Variants in PALMD observed in about 807,000 individuals in gnomAD.
PALMD encodes the protein palmdelphin, also known as paralemmin-like protein.
A neutral mutation model predicts 56.2 loss-of-function variants in PALMD; 42 were observed. The observed-to-expected ratio is 0.75, with a 90% CI of 0.58 to 0.97. The LOEUF (loss-of-function observed/expected upper bound fraction) is 0.97, where lower values mean the gene tolerates loss of function less well. PALMD is among the 50% of genes least tolerant of loss of function. PALMD has a pLI of 0.00. For synonymous variants in PALMD, 242 were observed against 222.9 expected, an observed-to-expected ratio of 1.09 and a Z score of -0.76; for missense variants, 660 against 643.8, an observed-to-expected ratio of 1.03 and a Z score of -0.27.
At chr1:99,667,595 A>T in intron 2 of PALMD, 47 bp from the exon 3 acceptor site, 1 of 1,547,418 alleles carries the variant, frequency 6.5e-7, no homozygotes, top group Non-Finnish European at 8.9e-7. Context: ...AGATTTTGGA[A>T]ATTATTGACC....
chr1:99,661,837 G>A (rs1216649310), intron 1 of PALMD, among the ~76,000 whole-genome samples: 3 of 152,130 alleles, frequency 2.0e-5, no homozygotes, highest in Non-Finnish European at 2.9e-5. Context: ...GGCTATGCAA[G>A]GAGGAAACAG....
Position 99,667,774 on chromosome 1 carries a change from C to A in PALMD, c.251+8C>A, listed in dbSNP as rs1444873340. On this transcript the variant is annotated splice_region_variant and intron_variant, in intron 3 of 7. Transcript: ENST00000263174. ...AGAACAAAGTATCCTCAGGTATGGC[C>A]CTCACTGAGATACTCCACAACTACC... 6.2e-7 allele frequency: 1 copy of A among 1,612,046 alleles called. No homozygotes were observed. Among genetic ancestry groups the A allele is most frequent in the East Asian group, 2.2e-5 (1 of 44,832 alleles).
At chr1:99,662,713 A>C (rs1303796371) in intron 2 of PALMD, among the ~76,000 whole-genome samples, 1 of 152,148 alleles carries the variant, frequency 6.6e-6, no homozygotes, top group African/African-American at 2.4e-5. Flanking sequence ...CTTGCTTAAC[A>C]TCCCTAGGGA....
At chr1:99,663,121 T>C (rs1652884083) in intron 2 of PALMD, among the ~76,000 whole-genome samples, 1 of 152,174 alleles carries the variant, frequency 6.6e-6, no homozygotes, top group Non-Finnish European at 1.5e-5. Context: ...ATGAATCCCC[T>C]TAATGATACA....
chr1:99,682,411 G>C (rs969934305), intron 3 of PALMD, among the ~76,000 whole-genome samples: 2 of 152,242 alleles, frequency 1.3e-5, no homozygotes, highest in South Asian at 2.1e-4. Flanking sequence ...AACATGTCAT[G>C]ATGTATTGTG....
intron 2 of PALMD, among the ~76,000 whole-genome samples, chr1:99,665,327 C>T (rs1435621092): frequency 2.6e-5 from 4 of 152,078 alleles, no homozygotes; most frequent in African/African-American, 9.7e-5. Context: ...TTTTATTATA[C>T]TCATTAGCCT....
chr1:99,678,060 G>T (rs1251320344), intron 3 of PALMD, among the ~76,000 whole-genome samples: 1 of 151,470 alleles, frequency 6.6e-6, no homozygotes, highest in Non-Finnish European at 1.5e-5. Context: ...TGTCACAGGT[G>T]GTCCTCCTCT....
intron 2 of PALMD, among the ~76,000 whole-genome samples, chr1:99,665,137 C>A (rs898080035): frequency 6.6e-6 from 1 of 151,968 alleles, no homozygotes; most frequent in African/African-American, 2.4e-5. Flanking sequence ...TCCATGAGTC[C>A]GTTCAATTCA....
In PALMD at chr1:99,680,660, G is replaced by A. The variant is rs573883221; in HGVS notation, c.252-6016G>A. Among the ~76,000 whole-genome samples the A allele has an allele frequency of 4.7e-4, 72 of 152,202 alleles. 1 individual carries two copies. The South Asian group carries it at 0.015, about 32-fold the overall frequency. On this transcript the variant is annotated intron_variant, in intron 3 of 7. Coordinates refer to ENST00000263174, the MANE Select transcript of PALMD (RefSeq NM_017734.5). ...CACTTATGGAAATTCTAACCCATCA[G>A]CTGAAAGATAGGCATGTGAAAGTTA...
chr1:99,689,894 GC>G, intron 7 of PALMD, 22 bp downstream of exon 7: 3 of 1,568,130 alleles, frequency 1.9e-6, no homozygotes, highest in Non-Finnish European at 2.6e-6. Context: ...GACAAGGCAT[GC>G]CACTGCTGTT....
intron 3 of PALMD, among the ~76,000 whole-genome samples, chr1:99,678,219 T>A (rs903190718): frequency 6.6e-6 from 1 of 151,412 alleles, no homozygotes; most frequent in South Asian, 2.1e-4. Flanking sequence ...TTCTCCTGAC[T>A]CAGCCTCCCG....
chr1:99,689,478 C>G lies in PALMD; in HGVS notation c.1218C>G (p.Asp406Glu). 1 of 1,613,748 alleles carries G rather than the reference C, an allele frequency of 6.2e-7. No individual in the cohort carries two copies. Among genetic ancestry groups the G allele is most frequent in the Non-Finnish European group, 8.5e-7 (1 of 1,179,824 alleles). Residue 406 changes from aspartate to glutamate, a missense_variant, in exon 7 of 8, where the codon GAC becomes GAG. Asp to Glu is a conservative substitution (Grantham distance 45). Transcript: ENST00000263174. Reference sequence around the variant, plus strand: ...ATATCGTTCATTCCCTGCCTCCAGACATAAATGATACAGAACCGGTGACAA... The same window carrying G: ...ATATCGTTCATTCCCTGCCTCCAGAGATAAATGATACAGAACCGGTGACAA... ...RYNIVHSLPP[D>E]INDTEPVTMI... is the part of the protein sequence containing the mutation.
rs761325384 is a variant in PALMD at position 99,689,389 on chromosome 1, G to T, written c.1129G>T (p.Gly377Trp). 4 of 1,613,766 alleles carry T rather than the reference G, an allele frequency of 2.5e-6. No individual in the cohort carries two copies. The highest frequency in any genetic ancestry group is 4.5e-5 in the East Asian group (2 of 44,848). The change falls in exon 7 of 8, where the codon GGG becomes TGG. Residue 377 changes from glycine to tryptophan, a missense_variant. Gly to Trp is a radical substitution (Grantham distance 184). Coordinates refer to ENST00000263174, the MANE Select transcript of PALMD (RefSeq NM_017734.5). ...GCTGAGCCCCAGAGAGACAATATTT[G>T]GGAAATCTGAACACCAGAATTCTTC... ...PRLSPRETIF[G>W]KSEHQNSSPT...
chr1:99,654,527 A>C (rs1276338801), intron 1 of PALMD, among the ~76,000 whole-genome samples: 1 of 152,148 alleles, frequency 6.6e-6, no homozygotes, highest in African/African-American at 2.4e-5. Flanking sequence ...GTTTTAAAAC[A>C]GAAAAGCTAT....
intron 7 of PALMD, among the ~76,000 whole-genome samples, chr1:99,693,118 T>C (rs1463910874): frequency 2.6e-5 from 4 of 152,194 alleles, no homozygotes; most frequent in Non-Finnish European, 5.9e-5. Flanking sequence ...AACCAATATA[T>C]GGTATACAAA....
Position 99,667,772 on chromosome 1 carries a change from GC to G in PALMD, c.251+9del. Reference sequence around the variant, plus strand: ...CTAGAACAAAGTATCCTCAGGTATGGCCCTCACTGAGATACTCCACAACTAC... The same window carrying G: ...CTAGAACAAAGTATCCTCAGGTATGGCCTCACTGAGATACTCCACAACTAC... On this transcript the variant is annotated splice_region_variant and intron_variant, in intron 3 of 7. Coordinates refer to ENST00000263174, the MANE Select transcript of PALMD (RefSeq NM_017734.5). The G allele has an allele frequency of 2.5e-6, 4 of 1,612,440 alleles. No individual in the cohort carries two copies. Among genetic ancestry groups the G allele is most frequent in the Non-Finnish European group, 3.4e-6 (4 of 1,178,772 alleles).
In PALMD at chr1:99,689,597, T is replaced by C; in HGVS notation, c.1337T>C (p.Val446Ala). 1 of 1,613,804 alleles carries C rather than the reference T, an allele frequency of 6.2e-7. No homozygotes were observed. Among genetic ancestry groups the C allele is most frequent in the Non-Finnish European group, 8.5e-7 (1 of 1,179,854 alleles). Reference sequence around the variant, plus strand: ...GGGATCATCCATGCTGAGCTGGTTGTGATTGATGATGAGGAGGAGGAGGAT... The same window carrying C: ...GGGATCATCCATGCTGAGCTGGTTGCGATTGATGATGAGGAGGAGGAGGAT... ...YDGIIHAELV[V>A]IDDEEEEDEG... Residue 446 changes from valine to alanine, a missense_variant, in exon 7 of 8, where the codon GTG (valine) becomes GCG (alanine). Physicochemically the swap from Val to Ala is moderately conservative, Grantham distance 64. Coordinates refer to ENST00000263174, the MANE Select transcript of PALMD (RefSeq NM_017734.5).
At chr1:99,663,760 T>C (rs1305565165) in intron 2 of PALMD, among the ~76,000 whole-genome samples, 1 of 152,168 alleles carries the variant, frequency 6.6e-6, no homozygotes, top group Non-Finnish European at 1.5e-5. Flanking sequence ...AAGAGAAGAT[T>C]TAAATATCCC....
intron 1 of PALMD, among the ~76,000 whole-genome samples, chr1:99,657,561 C>A (rs750268979): frequency 6.6e-6 from 1 of 152,184 alleles, no homozygotes; most frequent in African/African-American, 2.4e-5. Context: ...ATAGCTATTA[C>A]ACAATGAGGC....
Sources: gnomAD v4.1 joint callset for allele counts (sites outside exome capture counted in the v4.1 genomes callset) on GRCh38, gnomAD v4.1.1 for gene constraint, MANE v1.5 for transcripts, NCBI Gene and HGNC (gene_info 2026-07-23, HGNC 2026-07-21) for gene names.